The following DUSP22 variants were observed in gnomAD, a reference collection of about 807,000 sequenced individuals.
DUSP22 encodes dual specificity phosphatase 22.
DUSP22 carries 24 observed loss-of-function variants against 24.5 expected under a neutral mutation model. The observed-to-expected ratio is 0.98, with a 90% CI of 0.71 to 1.38. The LOEUF is 1.38. DUSP22 is among the 40% of genes most tolerant of loss of function. The pLI, the probability that DUSP22 is intolerant of heterozygous loss-of-function variation, is 0.00. For synonymous variants in DUSP22, 160 were observed against 106.4 expected (o/e 1.50, Z -3.10); for missense variants, 330 against 269.2 (o/e 1.23, Z -1.58).
rs568524975 is a variant in DUSP22, at chr6:350,370, T to C, written c.*1419T>C. ...TCTAGTCCTTTATACCGACTCAGAT[T>C]CCTTAAGCATGCAGAGTCACTCGAA... is the stretch of plus-strand genomic sequence containing the variant. On this transcript the variant is annotated 3_prime_UTR_variant, in exon 7 of 7. Transcript: ENST00000419235. 3.8e-6 allele frequency: 4 copies of C among 1,064,638 alleles called. No individual in the cohort carries two copies. The African/African-American group carries it at 6.8e-5, about 18-fold the overall frequency. 65.9% of individuals were successfully genotyped at this position (1,064,638 alleles called of 1,614,324 possible).
At position 322,618 on chromosome 6, in the gene DUSP22, G is replaced by A. The variant is rs531405243; in HGVS notation, c.138+10656G>A. Among the ~76,000 whole-genome samples, 28 of 152,400 alleles carry A rather than the reference G, an allele frequency of 1.8e-4. No individual in the cohort carries two copies. In the East Asian group the frequency reaches 3.5e-3, roughly 19 times the overall value. On this transcript the variant is annotated intron_variant, in intron 3 of 6. Coordinates refer to ENST00000419235, the MANE Select transcript of DUSP22 (RefSeq NM_001286555.3). Reference sequence around the variant, plus strand: ...CAGAGGAGATGCAATTCTGTAAGGCGTTTGAAAGAGAAGACAGGCTTAGGT... The same window carrying A: ...CAGAGGAGATGCAATTCTGTAAGGCATTTGAAAGAGAAGACAGGCTTAGGT...
At chr6:293,263 C>T (rs965020444) in intron 1 of DUSP22, among the ~76,000 whole-genome samples, 5 of 152,286 alleles carry the variant, frequency 3.3e-5, no homozygotes, top group African/African-American at 7.2e-5. Flanking sequence ...CCTCACTTCC[C>T]GGGCGGTGGG....
chr6:302,437 G>A (rs925137557), intron 1 of DUSP22, among the ~76,000 whole-genome samples: 48 of 152,410 alleles, frequency 3.1e-4, no homozygotes, highest in East Asian at 1.7e-3. Flanking sequence ...CAGGCTGACC[G>A]TTCTGCTGTC....
chr6:347,760 G>A (rs1027523043), intron 5 of DUSP22, among the ~76,000 whole-genome samples: 23 of 152,408 alleles, frequency 1.5e-4, no homozygotes, highest in African/African-American at 4.8e-4. Flanking sequence ...TGGAAGCCTC[G>A]TTTCCTTGGA....
At chr6:304,171 G>C (rs942303386) in intron 1 of DUSP22, among the ~76,000 whole-genome samples, 1 of 152,308 alleles carries the variant, frequency 6.6e-6, no homozygotes, top group Non-Finnish European at 1.5e-5. Context: ...GACATAGAGG[G>C]CTACTGTCAC....
At chr6:345,205 A>T (rs1429212347) in intron 4 of DUSP22, among the ~76,000 whole-genome samples, 1 of 152,152 alleles carries the variant, frequency 6.6e-6, no homozygotes, top group African/African-American at 2.4e-5. Flanking sequence ...CCACAGGAAG[A>T]ATAAATTCTG....
chr6:345,707 C>G (rs1390642612), intron 4 of DUSP22, 147 bp from the exon 5 acceptor site: 4 of 939,848 alleles, frequency 4.3e-6, no homozygotes, highest in Middle Eastern at 3.0e-4. Context: ...AAGTGTCACA[C>G]TGTAGCCCAT....
At chr6:306,444 C>T (rs534233196) in intron 2 of DUSP22, among the ~76,000 whole-genome samples, 1 of 152,422 alleles carries the variant, frequency 6.6e-6, no homozygotes, top group East Asian at 1.9e-4. Context: ...CATAGGACTC[C>T]TTGCAAGTTC....
chr6:323,873 C>G (rs1308805755), intron 3 of DUSP22, among the ~76,000 whole-genome samples: 1 of 152,296 alleles, frequency 6.6e-6, no homozygotes, highest in Admixed American at 6.5e-5. Context: ...TCCAGGAGAT[C>G]AGCCCCGCAG....
At chr6:296,648 T>C (rs1757343638) in intron 1 of DUSP22, among the ~76,000 whole-genome samples, 1 of 152,304 alleles carries the variant, frequency 6.6e-6, no homozygotes, top group South Asian at 2.1e-4. Flanking sequence ...ATCCTCACTG[T>C]CTACTTATTA....
At chr6:312,361 C>T (rs1355480410) in intron 3 of DUSP22, among the ~76,000 whole-genome samples, 1 of 152,280 alleles carries the variant, frequency 6.6e-6, no homozygotes, top group Non-Finnish European at 1.5e-5. Context: ...ATAGCTACCA[C>T]TGGCATTCAG....
chr6:344,413 G>T, intron 4 of DUSP22, among the ~76,000 whole-genome samples: 1 of 152,412 alleles, frequency 6.6e-6, no homozygotes, highest in Middle Eastern at 3.4e-3. Context: ...GGCCTCCCAA[G>T]TACCCGGGAC....
intron 4 of DUSP22, among the ~76,000 whole-genome samples, chr6:335,844 T>C (rs1202907807): frequency 6.6e-6 from 1 of 152,282 alleles, no homozygotes; most frequent in Non-Finnish European, 1.5e-5. Flanking sequence ...CCTGGCGGAG[T>C]GGAATGAATA....
At position 330,999 on chromosome 6, in the gene DUSP22, C is replaced by A. The variant is rs944049109; in HGVS notation, c.139-4115C>A. Among the ~76,000 whole-genome samples, 4 of 152,430 alleles carry A rather than the reference C, an allele frequency of 2.6e-5. No homozygotes were observed. The East Asian group carries it at 5.8e-4, about 22-fold the overall frequency. On this transcript the variant is annotated intron_variant, in intron 3 of 6. Coordinates refer to ENST00000419235, the MANE Select transcript of DUSP22 (RefSeq NM_001286555.3). The stretch of plus-strand genomic sequence containing the variant: ...CCTTACTTCTTCCCCCTTTTCCTCT[C>A]CTGGTACTCACTTCGTCATGTTACG...
chr6:313,337 A>G (rs1326334757), intron 3 of DUSP22, among the ~76,000 whole-genome samples: 2 of 152,298 alleles, frequency 1.3e-5, no homozygotes, highest in South Asian at 2.1e-4. Flanking sequence ...ATCTGCTCAC[A>G]TTGTAACTTC....
At chr6:325,315 GGA>G (rs1460877307) in intron 3 of DUSP22, 17 of 198,436 alleles carry the variant, frequency 8.6e-5, no homozygotes, top group South Asian at 7.9e-4. Flanking sequence ...GCGGGTGCCT[GGA>G]GAGTCATCTG....
chr6:322,841 G>GAGGGGGGC (rs1758672302), intron 3 of DUSP22, among the ~76,000 whole-genome samples: 2 of 144,532 alleles, frequency 1.4e-5, no homozygotes, highest in African/African-American at 5.2e-5. Context: ...GGGGCGGGGG[G>GAGGGGGGC]GGGCCTTCGA....
At position 350,819 on chromosome 6, in the gene DUSP22, C is replaced by G. The variant is rs759681230; in HGVS notation, c.*1868C>G. ...TGTTGCCAGTAATGTTCTTTCTTCA[C>G]AGCCGCTCCGGGAATTCTGAAGTTC... On this transcript the variant is annotated 3_prime_UTR_variant, in exon 7 of 7. Transcript: ENST00000419235. 8.1e-6 allele frequency: 13 copies of G among 1,614,270 alleles called. No homozygotes were observed. In the Admixed American group the frequency reaches 2.2e-4, roughly 27 times the overall value.
Position 349,632 on chromosome 6 carries a change from A to G in DUSP22, c.*681A>G. 2.0e-6 allele frequency: 2 copies of G among 987,288 alleles called. No homozygotes were observed. The highest frequency in any genetic ancestry group is 1.7e-5 in the African/African-American group (1 of 57,422). 61.2% of individuals were successfully genotyped at this position (987,288 alleles called of 1,614,324 possible). The stretch of plus-strand genomic sequence containing the variant: ...TGGCTCTGGGGCCCTGGAAAACGTG[A>G]GAGACTGCCCTGAGCTGGTCCAGTG... On this transcript the variant is annotated 3_prime_UTR_variant, in exon 7 of 7. Coordinates refer to ENST00000419235, the MANE Select transcript of DUSP22 (RefSeq NM_001286555.3).
Sources: allele counts gnomAD v4.1 joint callset (sites outside exome capture counted in the v4.1 genomes callset), GRCh38; gene constraint gnomAD v4.1.1; transcripts MANE v1.5; gene names NCBI Gene and HGNC (gene_info 2026-07-23, HGNC 2026-07-21).